EVPL: variants seen among roughly 807,000 people sequenced by gnomAD.
The protein encoded by EVPL is envoplakin.
In EVPL, 94 loss-of-function variants were observed where a neutral mutation model predicts 129.7. That is an observed-to-expected ratio of 0.72 (90% CI 0.61 to 0.86). The LOEUF is 0.86. Ranked by LOEUF, EVPL falls within the 40% of genes least tolerant of loss-of-function variation. EVPL has a pLI of 0.00. For synonymous variants in EVPL, 1,172 were observed against 1,191.1 expected, an observed-to-expected ratio of 0.98 and a Z score of 0.33; for missense variants, 2,625 against 2,721.1, an observed-to-expected ratio of 0.96 and a Z score of 0.79.
chr17:76,009,049 C>T lies in EVPL; in HGVS notation c.4156G>A (p.Glu1386Lys), dbSNP rs949204383. 7 of 1,613,494 alleles carry T rather than the reference C, an allele frequency of 4.3e-6. No homozygotes were observed. The highest frequency in any genetic ancestry group is 5.9e-6 in the Non-Finnish European group (7 of 1,179,840). The change falls in exon 22 of 22, where the codon GAG becomes AAG. Residue 1386 changes from glutamate (E) to lysine (K), a missense_variant. Glu to Lys is a moderately conservative substitution (Grantham distance 56, BLOSUM62 1). Transcript: ENST00000301607. This position sits in a 1 kb window ranked among gnomAD's most constrained non-coding sequence, Gnocchi z 5.9. ...CTCCCGCTCAGCCGGCTGTGCTCCT[C>T]GCGCAGCTTCGGGTCCTTCTGGGTG... ...VVTQKDPKLREEHSRLSGSLD... is the reference protein window; with the variant it reads ...VVTQKDPKLRKEHSRLSGSLD...
chr17:76,014,264 G>T (rs1044454148), intron 18 of EVPL, among the ~76,000 whole-genome samples, 162 bp downstream of exon 18: 1 of 152,234 alleles, frequency 6.6e-6, no homozygotes, highest in Admixed American at 6.5e-5. Context: ...GACAGAGATG[G>T]GCTGGCCCCG....
rs752598701 is a variant in EVPL at position 76,015,581 on chromosome 17, G to A, written c.1758C>T (p.Ala586=). The A allele has an allele frequency of 6.2e-6, 10 of 1,613,412 alleles. No homozygotes were observed. The East Asian group carries it at 2.2e-4, about 36-fold the overall frequency. The change falls in exon 15 of 22, where the codon GCC becomes GCT. Residue 586 remains alanine (A), a synonymous_variant. Transcript: ENST00000301607. ...ACAGAAACGCCTCGCACTCCTTCTG[G>A]GCTGTCTCCTTCTCCGTTCCCAGGC... ...LQSLGTEKET[A]QKECEAFLST...
At position 76,024,732 on chromosome 17, in the gene EVPL, G is replaced by A. The variant is rs1431803449; in HGVS notation, c.99-612C>T. Among the ~76,000 whole-genome samples, 1 of 152,188 alleles carries A rather than the reference G, an allele frequency of 6.6e-6. No individual in the cohort carries two copies. The highest frequency in any genetic ancestry group is 1.5e-5 in the Non-Finnish European group (1 of 68,018). On this transcript the variant is annotated intron_variant, in intron 1 of 21. Coordinates refer to ENST00000301607, the MANE Select transcript of EVPL (RefSeq NM_001988.4). The surrounding 1 kb of genome is among the most constrained non-coding windows in gnomAD (Gnocchi z 4.5). ...ACCCTAACATTCTCCAGAGTTGAGG[G>A]TTCAAAGCCCAGATTGGGCTCTGAC...
In EVPL at chr17:76,009,849, C is replaced by G. The variant is rs769457633; in HGVS notation, c.3356G>C (p.Arg1119Pro). ...AEEAVAKLQA[R>P]IEDLERAISS... ...GATAGCCCGCTCCAGGTCTTCGATGCGAGCCTGTAGCTTGGCCACAGCCTC... is the reference window on the plus strand; with the variant it reads ...GATAGCCCGCTCCAGGTCTTCGATGGGAGCCTGTAGCTTGGCCACAGCCTC... Residue 1119 changes from arginine (R) to proline (P), a missense_variant, in exon 22 of 22, where the codon CGC (arginine) becomes CCC (proline). Coordinates refer to ENST00000301607, the MANE Select transcript of EVPL (RefSeq NM_001988.4). The surrounding 1 kb of genome is among the most constrained non-coding windows in gnomAD (Gnocchi z 5.9). The G allele has an allele frequency of 2.2e-5, 36 of 1,613,914 alleles. No homozygotes were observed. The highest frequency in any genetic ancestry group is 2.8e-5 in the Non-Finnish European group (33 of 1,180,038).
At position 76,022,644 on chromosome 17, in the gene EVPL, G is replaced by A. The variant is rs140374326; in HGVS notation, c.481-106C>T. On this transcript the variant is annotated intron_variant, in intron 4 of 21. Coordinates refer to ENST00000301607, the MANE Select transcript of EVPL (RefSeq NM_001988.4). This position sits in a 1 kb window ranked among gnomAD's most constrained non-coding sequence, Gnocchi z 5.6. ...GTGGACTTGGTCATTTGGGCAGAGC[G>A]TGGACGAGCCTGGGAGCAGCCCGGG... 4,251 of 1,444,154 alleles carry A rather than the reference G, an allele frequency of 2.9e-3. 57 individuals are homozygous for A. The African/African-American group carries it at 0.039, about 13-fold the overall frequency. The allele number at this position is 1,444,154 out of a possible 1,614,324, so 89.5% of individuals were successfully genotyped here. A position where few individuals can be genotyped will look rare whatever the true frequency, so the allele number is the denominator to read the frequency against.
At position 76,011,427 on chromosome 17, in the gene EVPL, C is replaced by T. The variant is rs567016915; in HGVS notation, c.2661+149G>A. The T allele has an allele frequency of 5.1e-5, 37 of 726,464 alleles. No homozygotes were observed. In the African/African-American group the frequency reaches 5.6e-4, roughly 11 times the overall value. 45.0% of individuals were successfully genotyped at this position (726,464 alleles called of 1,614,324 possible). A position where few individuals can be genotyped will look rare whatever the true frequency, so the allele number is the denominator to read the frequency against. Reference sequence around the variant, plus strand: ...GGGTGGCTGGAATCCGCTCCCCTCTCCAGCAGCCAGAGCTGCCCAGGGGCT... The same window carrying T: ...GGGTGGCTGGAATCCGCTCCCCTCTTCAGCAGCCAGAGCTGCCCAGGGGCT... On this transcript the variant is annotated intron_variant, in intron 21 of 21. Transcript: ENST00000301607.
chr17:76,009,682 C>T lies in EVPL; in HGVS notation c.3523G>A (p.Asp1175Asn), dbSNP rs142112425. 36 of 1,613,524 alleles carry T rather than the reference C, an allele frequency of 2.2e-5. No homozygotes were observed. The East Asian group carries it at 4.5e-4, about 20-fold the overall frequency. Residue 1175 changes from aspartate (D) to asparagine (N), a missense_variant, in exon 22 of 22, where the codon GAC becomes AAC. Asp to Asn is a conservative substitution (Grantham distance 23). Transcript: ENST00000301607. This position sits in a 1 kb window ranked among gnomAD's most constrained non-coding sequence, Gnocchi z 5.9. Reference protein sequence around the residue: ...KNATLARELSDLHSKYSVVEK... With the variant: ...KNATLARELSNLHSKYSVVEK... ...ACCACGCTGTACTTGCTGTGCAGGTCGCTCAGCTCCCTGGCCAGCGTCGCG... is the reference window on the plus strand; with the variant it reads ...ACCACGCTGTACTTGCTGTGCAGGTTGCTCAGCTCCCTGGCCAGCGTCGCG...
chr17:76,026,675 C>T (rs1170472328), intron 1 of EVPL, among the ~76,000 whole-genome samples: 2 of 152,198 alleles, frequency 1.3e-5, no homozygotes, highest in Admixed American at 6.5e-5. Context: ...GGGGTCATCC[C>T]AGCCAAGTAG....
chr17:76,011,518 TG>T, intron 21 of EVPL, 57 bp downstream of exon 21: 1 of 1,430,512 alleles, frequency 7.0e-7, no homozygotes, highest in Non-Finnish European at 9.9e-7. Flanking sequence ...GGGAATGGAG[TG>T]GGCATTCCTG....
chr17:76,019,053 T>G lies in EVPL; in HGVS notation c.1145A>C (p.Glu382Ala). 1 of 1,573,162 alleles carries G rather than the reference T, an allele frequency of 6.4e-7. No homozygotes were observed. The highest frequency in any genetic ancestry group is 1.2e-5 in the South Asian group (1 of 86,748). ...CCTCTCGGTGACGGCCAGCCGTTTT[T>G]CCTCTGCCTGCCGGGGGCCCAGGCA... ...TELLQQLEAE[E>A]KRLAVTERAT... The change falls in exon 11 of 22, where the codon GAA (glutamate) becomes GCA (alanine). Residue 382 changes from glutamate to alanine, a missense_variant. Glu to Ala is a moderately radical substitution (Grantham distance 107, BLOSUM62 -1). This residue lies in a region of EVPL where 1,024 missense variants were observed against 997.5 expected (regional missense o/e 1.03). Transcript: ENST00000301607.
chr17:76,024,093 G>A lies in EVPL; in HGVS notation c.126C>T (p.Leu42=), dbSNP rs1353925300. Residue 42 remains leucine (L), a synonymous_variant, in exon 2 of 22, where the codon CTC becomes CTT. Transcript: ENST00000301607. This position sits in a 1 kb window ranked among gnomAD's most constrained non-coding sequence, Gnocchi z 4.5. The stretch of plus-strand genomic sequence containing the variant: ...CGGCGTTGGCTTGCATGCGGGAGAT[G>A]AGAAGGGCCAGCTCCTGGGTGGCAG... ...SRAATQELAL[L]ISRMQANADQ... is the part of the protein sequence containing the mutation. 47 of 1,613,746 alleles carry A rather than the reference G, an allele frequency of 2.9e-5. No homozygotes were observed. Among genetic ancestry groups the A allele is most frequent in the Non-Finnish European group, 3.9e-5 (46 of 1,179,970 alleles).
chr17:76,018,579 G>C lies in EVPL; in HGVS notation c.1306C>G (p.Arg436Gly). The C allele has an allele frequency of 5.0e-6, 8 of 1,605,614 alleles. No homozygotes were observed. The highest frequency in any genetic ancestry group is 6.8e-6 in the Non-Finnish European group (8 of 1,176,164). ...TCAGTGTTATCTACCAGCTTATACC[G>C]CTCACCCTGCAGCAGCTGCACCTGG... ...SGEVQLLQGE[R>G]YKLVDNTDPH... The change falls in exon 12 of 22, where the codon CGG becomes GGG. Residue 436 changes from arginine to glycine, a missense_variant. Coordinates refer to ENST00000301607, the MANE Select transcript of EVPL (RefSeq NM_001988.4).
At position 76,008,866 on chromosome 17, in the gene EVPL, G is replaced by C; in HGVS notation, c.4339C>G (p.Gln1447Glu). 6.2e-7 allele frequency: 1 copy of C among 1,613,928 alleles called. No individual in the cohort carries two copies. The highest frequency in any genetic ancestry group is 8.5e-7 in the Non-Finnish European group (1 of 1,180,016). The change falls in exon 22 of 22, where the codon CAG (glutamine) becomes GAG (glutamate). Residue 1447 changes from glutamine to glutamate, a missense_variant. Transcript: ENST00000301607. This position sits in a 1 kb window ranked among gnomAD's most constrained non-coding sequence, Gnocchi z 7.4. The stretch of plus-strand genomic sequence containing the variant: ...GTGGGAGGCCGCTTCTCGAGCTCCT[G>C]GATCCTCAAGGTCAGCTGCCGCAGC... ...RELRQLTLRI[Q>E]ELEKRPPTVQ... is the part of the protein sequence containing the mutation.
Position 76,009,699 on chromosome 17 carries a change from A to G in EVPL, c.3506T>C (p.Leu1169Pro). The G allele has an allele frequency of 3.7e-6, 6 of 1,613,508 alleles. No homozygotes were observed. Among genetic ancestry groups the G allele is most frequent in the Non-Finnish European group, 5.1e-6 (6 of 1,179,994 alleles). ...GTGCAGGTCGCTCAGCTCCCTGGCC[A>G]GCGTCGCGTTCTTGGTCCTCTCCTC... The part of the protein sequence containing the change: ...LEEERTKNAT[L>P]ARELSDLHSK... The change falls in exon 22 of 22, where the codon CTG becomes CCG. Residue 1169 changes from leucine (L) to proline (P), a missense_variant. By Grantham distance (98) the Leu-to-Pro change is moderately conservative. Transcript: ENST00000301607. This position sits in a 1 kb window ranked among gnomAD's most constrained non-coding sequence, Gnocchi z 5.9.
chr17:76,021,596 G>GCCCCCCCCCCCGCC, intron 8 of EVPL, 33 bp from the exon 9 acceptor site: 2 of 1,378,756 alleles, frequency 1.5e-6, no homozygotes, highest in Non-Finnish European at 2.0e-6. Flanking sequence ...CTCGGACCAC[G>GCCCCCCCCCCCGCC]CCCCCCCCAC....
intron 21 of EVPL, 126 bp downstream of exon 21, chr17:76,011,450 G>A (rs2066375563): frequency 8.1e-6 from 7 of 862,364 alleles, no homozygotes; most frequent in Non-Finnish European, 1.2e-5. Context: ...CTGCCCAGGG[G>A]CTGCAGGCAG....
At chr17:76,017,577 G>A (rs529497924) in intron 14 of EVPL, among the ~76,000 whole-genome samples, 162 bp downstream of exon 14, 1 of 152,208 alleles carries the variant, frequency 6.6e-6, no homozygotes, top group Non-Finnish European at 1.5e-5. Flanking sequence ...GGTCAGTGGA[G>A]GAGCCAGGAG....
In EVPL at chr17:76,007,194, G is replaced by A. The variant is rs770675754; in HGVS notation, c.6011C>T (p.Pro2004Leu). Residue 2004 changes from proline to leucine, a missense_variant, in exon 22 of 22, where the codon CCC becomes CTC. Transcript: ENST00000301607. This position sits in a 1 kb window ranked among gnomAD's most constrained non-coding sequence, Gnocchi z 8.8. ...KEAMGRCRKD[P>L]LSGLLLLPAA... is the part of the protein sequence containing the mutation. ...TGGCAGGAGCAGCAGGCCGCTCAGG[G>A]GGTCTTTGCGGCAGCGGCCCATGGC... 3.3e-6 allele frequency: 5 copies of A among 1,537,102 alleles called. No individual in the cohort carries two copies. The African/African-American group carries it at 5.5e-5, about 17-fold the overall frequency.
rs200331397 is a variant in EVPL at position 76,024,151 on chromosome 17, G to A, written c.99-31C>T. On this transcript the variant is annotated intron_variant, in intron 1 of 21. Coordinates refer to ENST00000301607, the MANE Select transcript of EVPL (RefSeq NM_001988.4). This position sits in a 1 kb window ranked among gnomAD's most constrained non-coding sequence, Gnocchi z 4.5. ...GTGTGGAGGGGACAGCGGGTAGCTC[G>A]GTGGAAGAGGCCCCTCTGTGCCCCA... 9.5e-5 allele frequency: 152 copies of A among 1,599,230 alleles called. No homozygotes were observed. In the African/African-American group the frequency reaches 1.1e-3, roughly 11 times the overall value.
Sources: gnomAD v4.1 joint callset for allele counts (sites outside exome capture counted in the v4.1 genomes callset) on GRCh38, gnomAD v4.1.1 for gene constraint, gnomAD v4.1.1 regional missense constraint, Gnocchi (gnomAD v3.1) non-coding constraint, MANE v1.5 for transcripts, NCBI Gene and HGNC (gene_info 2026-07-23, HGNC 2026-07-21) for gene names.